Variants in TENM2 observed in about 807,000 individuals in gnomAD.
TENM2 encodes teneurin transmembrane protein 2.
A neutral mutation model predicts 245.2 loss-of-function variants in TENM2; 52 were observed. That is an observed-to-expected ratio of 0.21 (90% CI 0.17 to 0.27). The LOEUF is 0.27. TENM2 is among the 10% of genes least tolerant of loss of function. The probability of loss-of-function intolerance (pLI) is 1.00; values close to 1 mark genes in which losing one functional copy is unlikely to be tolerated. For synonymous variants in TENM2, 1,363 were observed against 1,438.9 expected (o/e 0.95, Z 1.19); for missense variants, 3,046 against 3,666.8 (o/e 0.83, Z 4.37).
chr5:167,350,095 A>T (rs1046816232), intron 1 of TENM2, among the ~76,000 whole-genome samples: 6 of 152,168 alleles, frequency 3.9e-5, no homozygotes, highest in Non-Finnish European at 7.3e-5. Context: ...CTCCAGCAAA[A>T]GGTGGAATAG....
intron 13 of TENM2, among the ~76,000 whole-genome samples, chr5:168,168,556 C>G (rs746081375): frequency 6.6e-6 from 1 of 152,014 alleles, no homozygotes; most frequent in Admixed American, 6.6e-5. Flanking sequence ...TCCTGGCATG[C>G]GCCTGTAGTT....
chr5:167,280,613 A>G (rs1159343389), upstream of TENM2, among the ~76,000 whole-genome samples: 5 of 151,452 alleles, frequency 3.3e-5, no homozygotes, highest in African/African-American at 9.7e-5. Context: ...TTGCTTCAAC[A>G]TTTTCTTTCT....
intron 2 of TENM2, among the ~76,000 whole-genome samples, chr5:167,548,699 A>G (rs375564419): frequency 5.3e-5 from 8 of 152,252 alleles, no homozygotes; most frequent in African/African-American, 1.2e-4. Flanking sequence ...GTCAAAAAAC[A>G]AGATATAGAC....
intron 2 of TENM2, among the ~76,000 whole-genome samples, chr5:167,497,417 T>G (rs1371043565): frequency 1.3e-5 from 2 of 152,118 alleles, no homozygotes; most frequent in African/African-American, 2.4e-5. Flanking sequence ...GGTACCTCAA[T>G]AATGCATTGC....
chr5:167,650,059 GT>G (rs1754350286), intron 2 of TENM2, among the ~76,000 whole-genome samples: 1 of 152,100 alleles, frequency 6.6e-6, no homozygotes, highest in Non-Finnish European at 1.5e-5. Context: ...ACCTCAAAGA[GT>G]TTTAGAACTT....
intron 2 of TENM2, 100 bp downstream of exon 4, chr5:167,375,573 T>C: frequency 7.7e-7 from 1 of 1,292,800 alleles, no homozygotes; most frequent in Non-Finnish European, 1.1e-6. Context: ...ATAAAACCAT[T>C]CATTTTCTTT....
intron 19 of TENM2, among the ~76,000 whole-genome samples, chr5:168,207,600 G>C (rs1047020863): frequency 3.3e-5 from 5 of 152,130 alleles, no homozygotes; most frequent in Non-Finnish European, 5.9e-5. Context: ...TGAAAACAAA[G>C]GGCTGTCAAT....
the TENM2 span, among the ~76,000 whole-genome samples, chr5:167,253,478 G>A: frequency 4.6e-5 from 7 of 151,902 alleles, no homozygotes; most frequent in African/African-American, 1.7e-4. Context: ...ACCTCTCAAA[G>A]TTGTCATAAT....
intron 4 of TENM2, among the ~76,000 whole-genome samples, chr5:167,961,755 G>T (rs1388956524): frequency 6.6e-6 from 1 of 152,190 alleles, no homozygotes; most frequent in Non-Finnish European, 1.5e-5. Flanking sequence ...TAACCTGCAG[G>T]AAGTCTAAAG....
chr5:167,273,684 C>T, the TENM2 span, among the ~76,000 whole-genome samples: 1 of 152,002 alleles, frequency 6.6e-6, no homozygotes, highest in African/African-American at 2.4e-5. Flanking sequence ...TTCCTTTATA[C>T]CAAAACTCAC....
At chr5:167,310,044 C>T (rs1038084355) in intron 1 of TENM2, among the ~76,000 whole-genome samples, 5 of 151,370 alleles carry the variant, frequency 3.3e-5, no homozygotes, top group African/African-American at 4.9e-5. Flanking sequence ...GAAGTGTCTT[C>T]GGGTGAATAC....
intron 7 of TENM2, among the ~76,000 whole-genome samples, chr5:168,072,932 G>A (rs1433393737): frequency 6.6e-6 from 1 of 152,182 alleles, no homozygotes; most frequent in Non-Finnish European, 1.5e-5. Context: ...TGGTTGTCGA[G>A]ACTCTAGTAT....
At chr5:167,894,710 G>T (rs1303287155) in intron 3 of TENM2, among the ~76,000 whole-genome samples, 1 of 151,938 alleles carries the variant, frequency 6.6e-6, no homozygotes, top group East Asian at 1.9e-4. Flanking sequence ...AATATCTGTT[G>T]GATGGTTGAC....
At chr5:167,471,686 G>C (rs1309896136) in intron 2 of TENM2, among the ~76,000 whole-genome samples, 2 of 152,182 alleles carry the variant, frequency 1.3e-5, no homozygotes, top group Non-Finnish European at 2.9e-5. Context: ...ATACGAATGT[G>C]TCCTATGACA....
chr5:167,340,521 C>G (rs1285284853), intron 1 of TENM2, among the ~76,000 whole-genome samples: 2 of 152,160 alleles, frequency 1.3e-5, no homozygotes, highest in African/African-American at 2.4e-5. Flanking sequence ...GGTTTGGTAT[C>G]CCTTCCTCTT....
intron 12 of TENM2, among the ~76,000 whole-genome samples, chr5:168,155,790 C>T (rs1038740237): frequency 4.7e-5 from 7 of 149,328 alleles, no homozygotes; most frequent in Non-Finnish European, 1.0e-4. Context: ...ACTATATAGA[C>T]ACTGACAACA....
the TENM2 span, among the ~76,000 whole-genome samples, chr5:166,984,646 A>C: frequency 2.8e-4 from 43 of 152,132 alleles, no homozygotes; most frequent in Admixed American, 2.8e-3. Context: ...GAAATAGTCA[A>C]GTTAGGTTCC....
intron 2 of TENM2, among the ~76,000 whole-genome samples, chr5:167,754,725 T>C (rs4242226): frequency 0.78 from 106,991 of 137,464 alleles, 41,983 homozygotes; most frequent in East Asian, 1. Context: ...TTAAGAGATA[T>C]TTCAAAAAAA....
chr5:167,993,226 A>G (rs1203985693), intron 5 of TENM2, 44 bp downstream of exon 7: 12 of 1,500,252 alleles, frequency 8.0e-6, no homozygotes, highest in African/African-American at 1.4e-5. Context: ...GGATGACAAC[A>G]TGAGGGGAGA....
Sources: gnomAD v4.1 joint callset for allele counts (sites outside exome capture counted in the v4.1 genomes callset) on GRCh38, gnomAD v4.1.1 for gene constraint, MANE v1.5 for transcripts, NCBI Gene and HGNC (gene_info 2026-07-23, HGNC 2026-07-21) for gene names.